The following SLX4IP variants were observed in gnomAD, a reference collection of about 807,000 sequenced individuals.
The protein encoded by SLX4IP is protein SLX4IP.
In SLX4IP, 34 loss-of-function variants were observed where a neutral mutation model predicts 32.9. That is an observed-to-expected ratio of 1.03 (90% CI 0.79 to 1.38). SLX4IP has a LOEUF of 1.38. SLX4IP is among the 40% of genes most tolerant of loss of function. The pLI, the probability that SLX4IP is intolerant of heterozygous loss-of-function variation, is 0.00. For synonymous variants in SLX4IP, 172 were observed against 171.7 expected (o/e 1.00, Z -0.01); for missense variants, 444 against 479.0 (o/e 0.93, Z 0.68).
At position 10,461,005 on chromosome 20, in the gene SLX4IP, A is replaced by G. The variant is rs542797679; in HGVS notation, c.27+2774A>G. On this transcript the variant is annotated intron_variant, in intron 2 of 7. Transcript: ENST00000334534. ...GATGGCTCAAGTCATCAGTTTTGGA[A>G]AATTCTTGACCATTTTCTCTGCCTC... Among the ~76,000 whole-genome samples the G allele has an allele frequency of 9.2e-5, 14 of 152,306 alleles. No homozygotes were observed. In the South Asian group the frequency reaches 2.9e-3, roughly 32 times the overall value.
rs577083005 is a variant in SLX4IP at position 10,509,368 on chromosome 20, T to C, written c.28-46863T>C. On this transcript the variant is annotated intron_variant, in intron 2 of 7. Coordinates refer to ENST00000334534, the MANE Select transcript of SLX4IP (RefSeq NM_001009608.3). ...AAAATGACTGAGATCACCGAGTTGA[T>C]AGTCACCAGCAGAGCACCGTCCCCA... 3.9e-5 allele frequency among the ~76,000 whole-genome samples: 6 copies of C among 152,294 alleles called. No individual in the cohort carries two copies. In the East Asian group the frequency reaches 9.7e-4, roughly 25 times the overall value.
At chr20:10,581,613 T>G (rs976233867) in intron 4 of SLX4IP, among the ~76,000 whole-genome samples, 1 of 152,028 alleles carries the variant, frequency 6.6e-6, no homozygotes, top group Non-Finnish European at 1.5e-5. Context: ...CATGCGGACT[T>G]TCTAGTAAAA....
In SLX4IP at chr20:10,598,742, A is replaced by G. The variant is rs1439578802; in HGVS notation, c.306A>G (p.Thr102=). The G allele has an allele frequency of 1.2e-6, 2 of 1,614,086 alleles. No homozygotes were observed. Among genetic ancestry groups the G allele is most frequent in the Non-Finnish European group, 1.7e-6 (2 of 1,179,958 alleles). ...RGIRLRCIRS[T]QNAELCVFPD... is the part of the protein sequence containing the mutation. ...TACGCCTTCGCTGCATCAGGAGCACACAGAATGCTGGTAAGAAGCCGATTT... is the reference window on the plus strand; with the variant it reads ...TACGCCTTCGCTGCATCAGGAGCACGCAGAATGCTGGTAAGAAGCCGATTT... Residue 102 remains threonine (T), a synonymous_variant, in exon 5 of 8, where the codon ACA becomes ACG. Transcript: ENST00000334534.
At chr20:10,527,472 C>T (rs1313808330) in intron 2 of SLX4IP, among the ~76,000 whole-genome samples, 1 of 152,154 alleles carries the variant, frequency 6.6e-6, no homozygotes, top group Non-Finnish European at 1.5e-5. Flanking sequence ...TCTACAGAAT[C>T]CTCTCAGTGT....
At position 10,605,886 on chromosome 20, in the gene SLX4IP, T is replaced by A. The variant is rs1351526192; in HGVS notation, c.405+4067T>A. ...ACTGTTTAGTGGTAAAGAAATGTCCTTCTAGTTTTTGAATACAAAATTGAA... is the reference window on the plus strand; with the variant it reads ...ACTGTTTAGTGGTAAAGAAATGTCCATCTAGTTTTTGAATACAAAATTGAA... On this transcript the variant is annotated intron_variant, in intron 6 of 7. Transcript: ENST00000334534. Among the ~76,000 whole-genome samples the A allele has an allele frequency of 1.3e-5, 2 of 152,206 alleles. 1 individual carries two copies. Among genetic ancestry groups the A allele is most frequent in the Non-Finnish European group, 2.9e-5 (2 of 68,040 alleles).
At chr20:10,480,344 G>T (rs1350695435) in intron 2 of SLX4IP, among the ~76,000 whole-genome samples, 1 of 151,664 alleles carries the variant, frequency 6.6e-6, no homozygotes, top group Non-Finnish European at 1.5e-5. Flanking sequence ...AGGCTGCAGT[G>T]AGTTGTGATT....
chr20:10,522,205 G>A (rs1260534386), intron 2 of SLX4IP, among the ~76,000 whole-genome samples: 2 of 152,166 alleles, frequency 1.3e-5, no homozygotes, highest in African/African-American at 2.4e-5. Context: ...AATAGAAAAT[G>A]CACGTTGTGT....
At chr20:10,473,606 CTT>C (rs33939350) in intron 2 of SLX4IP, among the ~76,000 whole-genome samples, 243 of 135,936 alleles carry the variant, frequency 1.8e-3, no homozygotes, top group Non-Finnish European at 1.8e-3. Flanking sequence ...AGTTCTGTTT[CTT>C]TTTTTTTTTT....
intron 4 of SLX4IP, among the ~76,000 whole-genome samples, chr20:10,582,200 G>A (rs959267507): frequency 6.6e-6 from 1 of 152,152 alleles, no homozygotes; most frequent in African/African-American, 2.4e-5. Flanking sequence ...CCAGGATCTT[G>A]GAGAGGTGGC....
chr20:10,452,680 A>AAAT (rs1326662021), intron 1 of SLX4IP, among the ~76,000 whole-genome samples: 15,407 of 109,202 alleles, frequency 0.14, 1,350 homozygotes, highest in Non-Finnish European at 0.19. Context: ...AAAAAAAAAA[A>AAAT]ATATATATAT....
chr20:10,443,371 G>A (rs2065173851), intron 1 of SLX4IP, among the ~76,000 whole-genome samples: 1 of 152,196 alleles, frequency 6.6e-6, no homozygotes, highest in African/African-American at 2.4e-5. Flanking sequence ...TATAGTCAGG[G>A]AGAGGACCAG....
At chr20:10,447,298 A>C (rs2065210033) in intron 1 of SLX4IP, among the ~76,000 whole-genome samples, 1 of 147,398 alleles carries the variant, frequency 6.8e-6, no homozygotes, top group African/African-American at 2.5e-5. Flanking sequence ...TAGTTTTTTT[A>C]CCTTGCATTG....
chr20:10,439,333 C>T (rs1337467159), intron 1 of SLX4IP, among the ~76,000 whole-genome samples: 13 of 152,060 alleles, frequency 8.5e-5, no homozygotes, highest in African/African-American at 1.4e-4. Flanking sequence ...CTCAGCCTCC[C>T]GAGTAGCTGG....
intron 4 of SLX4IP, among the ~76,000 whole-genome samples, chr20:10,587,625 C>G (rs923154055): frequency 6.6e-6 from 1 of 151,958 alleles, no homozygotes; most frequent in Admixed American, 6.6e-5. Flanking sequence ...GCAAGCAAAA[C>G]AGAATAGCAC....
intron 4 of SLX4IP, 29 bp from the exon 5 acceptor site, chr20:10,598,646 A>T: frequency 6.2e-7 from 1 of 1,604,820 alleles, no homozygotes; most frequent in Non-Finnish European, 8.5e-7. Flanking sequence ...AACAAACTTA[A>T]CTTAGTGATG....
chr20:10,512,761 A>G (rs1321063373), intron 2 of SLX4IP, among the ~76,000 whole-genome samples: 144 of 96,586 alleles, frequency 1.5e-3, no homozygotes, highest in Non-Finnish European at 2.7e-3. Flanking sequence ...TTATGTATAT[A>G]TATACACACA....
At chr20:10,490,104 A>G (rs928207279) in intron 2 of SLX4IP, among the ~76,000 whole-genome samples, 25 of 152,136 alleles carry the variant, frequency 1.6e-4, no homozygotes, top group African/African-American at 4.8e-5. Flanking sequence ...TATCACCATG[A>G]AAGGCCTTAA....
At chr20:10,512,153 A>T (rs1273426071) in intron 2 of SLX4IP, among the ~76,000 whole-genome samples, 1 of 152,208 alleles carries the variant, frequency 6.6e-6, no homozygotes, top group Non-Finnish European at 1.5e-5. Flanking sequence ...AAGCAGACAT[A>T]GGCAATATGT....
At chr20:10,502,051 G>A (rs182997864) in intron 2 of SLX4IP, among the ~76,000 whole-genome samples, 45 of 152,250 alleles carry the variant, frequency 3.0e-4, no homozygotes, top group Admixed American at 2.7e-3. Context: ...GGGTGGGGCC[G>A]AAACGGCGGC....
Sources: gnomAD v4.1 joint callset for allele counts (sites outside exome capture counted in the v4.1 genomes callset) on GRCh38, gnomAD v4.1.1 for gene constraint, MANE v1.5 for transcripts, NCBI Gene and HGNC (gene_info 2026-07-23, HGNC 2026-07-21) for gene names.